Variants in PLEKHS1 observed in about 807,000 individuals in gnomAD.
PLEKHS1 encodes the protein pleckstrin homology domain containing S1.
Under a neutral mutation model 51.0 loss-of-function variants are expected in PLEKHS1, and 55 were observed. That is an observed-to-expected ratio of 1.08 (90% confidence interval 0.87 to 1.35). The LOEUF is 1.35. Ranked by LOEUF, PLEKHS1 falls within the 40% of genes most tolerant of loss-of-function variation. The pLI is 0.00. For synonymous variants in PLEKHS1, 153 were observed against 144.8 expected, an observed-to-expected ratio of 1.06 and a Z score of -0.41; for missense variants, 398 against 423.0, an observed-to-expected ratio of 0.94 and a Z score of 0.52.
chr10:113,759,078 T>C (rs950417722), intron 2 of PLEKHS1, among the ~76,000 whole-genome samples: 5 of 152,160 alleles, frequency 3.3e-5, no homozygotes, highest in Non-Finnish European at 5.9e-5. Flanking sequence ...TCTGCCTGTA[T>C]TTGATATGTG....
intron 11 of PLEKHS1, 198 bp downstream of exon 12, chr10:113,777,457 T>C (rs1377664477): frequency 2.5e-6 from 4 of 1,601,092 alleles, no homozygotes; most frequent in Admixed American, 1.7e-5. Flanking sequence ...GAGAAGGCAC[T>C]GAGCTAAGAG....
chr10:113,760,391 C>T (rs775088203), intron 2 of PLEKHS1, among the ~76,000 whole-genome samples: 20 of 152,002 alleles, frequency 1.3e-4, no homozygotes, highest in South Asian at 4.1e-4. Context: ...TGGTGGCTCA[C>T]GCCTATAATC....
intron 4 of PLEKHS1, 75 bp downstream of exon 4, chr10:113,766,793 T>G (rs1844183378): frequency 1.7e-6 from 2 of 1,171,240 alleles, no homozygotes; most frequent in South Asian, 1.5e-5. Flanking sequence ...GCATGCAAAT[T>G]GAAATTTACA....
Position 113,768,891 on chromosome 10 carries a change from G to T in PLEKHS1, c.435+1G>T, listed in dbSNP as rs770866572. 9.9e-6 allele frequency: 16 copies of T among 1,610,666 alleles called. No homozygotes were observed. Among genetic ancestry groups the T allele is most frequent in the Non-Finnish European group, 1.4e-5 (16 of 1,178,466 alleles). On this transcript the variant is annotated splice_donor_variant, in intron 6 of 11. Transcript: ENST00000361048. LOFTEE classifies it high-confidence loss of function. ...AAAAGCAACACAGCAGAACACAGAGGTGACTCCATATCACTAATAAAATAA... is the reference window on the plus strand; with the variant it reads ...AAAAGCAACACAGCAGAACACAGAGTTGACTCCATATCACTAATAAAATAA...
intron 10 of PLEKHS1, among the ~76,000 whole-genome samples, chr10:113,775,502 G>A (rs1331998002): frequency 6.6e-6 from 1 of 152,194 alleles, no homozygotes; most frequent in East Asian, 1.9e-4. Flanking sequence ...TTCCAGCAGA[G>A]AAATATGCAG....
intron 11 of PLEKHS1, among the ~76,000 whole-genome samples, chr10:113,776,366 A>C (rs543005098): frequency 6.6e-6 from 1 of 152,244 alleles, no homozygotes; most frequent in Non-Finnish European, 1.5e-5. Flanking sequence ...TCTTAAAGCA[A>C]TCACTGTCTA....
intron 1 of PLEKHS1, among the ~76,000 whole-genome samples, chr10:113,753,521 C>T (rs896401877): frequency 2.0e-5 from 3 of 152,132 alleles, no homozygotes; most frequent in African/African-American, 4.8e-5. Context: ...TGAGTGTGCC[C>T]GCTACAGCAG....
chr10:113,774,307 G>T (rs752204711), exon 9 of PLEKHS1: 1 of 1,585,126 alleles, frequency 6.3e-7, no homozygotes, highest in East Asian at 2.3e-5. Flanking sequence ...GAAGAATTGA[G>T]TGTCATTATG....
intron 7 of PLEKHS1, among the ~76,000 whole-genome samples, chr10:113,770,330 C>T (rs771872649): frequency 3.3e-5 from 5 of 152,194 alleles, no homozygotes; most frequent in Non-Finnish European, 7.3e-5. Flanking sequence ...TGATCAATCT[C>T]GCTTCTCATT....
Position 113,760,672 on chromosome 10 carries a change from TG to T in PLEKHS1, c.28+5368del, listed in dbSNP as rs541164405. 4.8e-3 allele frequency among the ~76,000 whole-genome samples: 726 copies of T among 152,332 alleles called. 7 individuals are homozygous for T. Among genetic ancestry groups the T allele is most frequent in the African/African-American group, 0.015 (637 of 41,582 alleles). ...TTTAGTTGAGTTGTTTGTCTTTTTG[TG>T]TTGCATTGTAAGAGTTCTTTATATA... On this transcript the variant is annotated intron_variant, in intron 2 of 11. Transcript: ENST00000361048.
intron 11 of PLEKHS1, among the ~76,000 whole-genome samples, chr10:113,776,900 G>A (rs1258209238): frequency 2.6e-5 from 4 of 152,214 alleles, no homozygotes; most frequent in African/African-American, 9.7e-5. Flanking sequence ...GGAATGGGAT[G>A]TAGGATTTCA....
At chr10:113,761,716 G>A (rs1843940553) in intron 2 of PLEKHS1, among the ~76,000 whole-genome samples, 1 of 151,946 alleles carries the variant, frequency 6.6e-6, no homozygotes, top group Admixed American at 6.6e-5. Flanking sequence ...AAATAGAAAT[G>A]ATTTTATTTC....
intron 11 of PLEKHS1, 116 bp downstream of exon 11, chr10:113,775,982 C>A: frequency 1.4e-6 from 1 of 698,228 alleles, no homozygotes; most frequent in Non-Finnish European, 2.3e-6. Flanking sequence ...GGCGGGGGAG[C>A]TTGGACTGTT....
intron 11 of PLEKHS1, among the ~76,000 whole-genome samples, chr10:113,776,359 T>C (rs1478306402): frequency 6.6e-6 from 1 of 152,222 alleles, no homozygotes; most frequent in Non-Finnish European, 1.5e-5. Flanking sequence ...AGAATTTTCT[T>C]AAAGCAATCA....
rs371805732 is a variant in PLEKHS1, at chr10:113,775,789, G to A, written c.1014G>A (p.Val338=). ...GTAATATCCCCGATGAAAGCCAAGT[G>A]GAGAAACTGAACGTTTTCCTTTCTC... Residue 338 remains valine (V), a synonymous_variant, in exon 11 of 12, where the codon GTG becomes GTA. Coordinates refer to ENST00000361048, the Ensembl canonical transcript of PLEKHS1. The A allele has an allele frequency of 9.3e-6, 15 of 1,612,800 alleles. No homozygotes were observed. The African/African-American group carries it at 1.7e-4, about 19-fold the overall frequency.
intron 2 of PLEKHS1, among the ~76,000 whole-genome samples, chr10:113,757,808 A>G (rs1268108085): frequency 6.6e-6 from 1 of 152,264 alleles, no homozygotes; most frequent in Non-Finnish European, 1.5e-5. Flanking sequence ...CTGATTTATC[A>G]ACTAAGTTTA....
At chr10:113,761,613 TG>T (rs1357612908) in intron 2 of PLEKHS1, among the ~76,000 whole-genome samples, 10 of 152,144 alleles carry the variant, frequency 6.6e-5, no homozygotes, top group African/African-American at 2.4e-4. Flanking sequence ...AGCTAATTTT[TG>T]TCTGTTGTTC....
intron 1 of PLEKHS1, among the ~76,000 whole-genome samples, chr10:113,753,667 G>T (rs1313689767): frequency 6.6e-6 from 1 of 152,148 alleles, no homozygotes; most frequent in African/African-American, 2.4e-5. Context: ...GGCAGGGTAG[G>T]TATGATTCCA....
chr10:113,754,522 G>A (rs1475723458), intron 1 of PLEKHS1, among the ~76,000 whole-genome samples: 1 of 152,154 alleles, frequency 6.6e-6, no homozygotes, highest in Non-Finnish European at 1.5e-5. Context: ...GCCCAGGCTG[G>A]AGTGCAGTGG....
Sources: gnomAD v4.1 joint callset for allele counts (sites outside exome capture counted in the v4.1 genomes callset) on GRCh38, gnomAD v4.1.1 for gene constraint, MANE v1.5 for transcripts, NCBI Gene and HGNC (gene_info 2026-07-23, HGNC 2026-07-21) for gene names.